Variants in SOAT1 observed in about 807,000 individuals in gnomAD.
SOAT1 encodes the protein sterol O-acyltransferase 1.
A neutral mutation model predicts 69.5 loss-of-function variants in SOAT1; 55 were observed. The ratio of observed to expected loss-of-function variants is 0.79; its 90% CI spans 0.64 to 0.99. The LOEUF (loss-of-function observed/expected upper bound fraction) is 0.99, where lower values mean the gene tolerates loss of function less well. SOAT1 is among the 50% of genes least tolerant of loss of function. The pLI, the probability that SOAT1 is intolerant of heterozygous loss-of-function variation, is 0.00. For missense variants in SOAT1, 580 were observed against 669.3 expected (o/e 0.87, Z 1.47); for synonymous variants, 231 against 224.7 (o/e 1.03, Z -0.25).
chr1:179,346,417 G>C (rs1251651995), intron 11 of SOAT1, among the ~76,000 whole-genome samples: 1 of 152,102 alleles, frequency 6.6e-6, no homozygotes, highest in Admixed American at 6.6e-5. Flanking sequence ...AAATGCTTAT[G>C]GCCTTTGTTT....
rs1288622661 is a variant in SOAT1 at position 179,354,566 on chromosome 1, C to G, written c.*925C>G. On this transcript the variant is annotated 3_prime_UTR_variant, in exon 16 of 16. Transcript: ENST00000367619. ...TATTTTATTGTCTAATAAATATTGA[C>G]TTCTCTTGAATTATTTTGCAGACTA... 1 of 152,090 alleles carries G rather than the reference C, an allele frequency of 6.6e-6. No individual in the cohort carries two copies. Among genetic ancestry groups the G allele is most frequent in the Non-Finnish European group, 1.5e-5 (1 of 68,016 alleles). The allele number at this position is 152,090 out of a possible 1,614,324, so 9.4% of individuals were successfully genotyped here.
chr1:179,332,747 C>T (rs1188676431), intron 3 of SOAT1, among the ~76,000 whole-genome samples: 2 of 152,212 alleles, frequency 1.3e-5, no homozygotes, highest in African/African-American at 2.4e-5. Context: ...TGATCACATA[C>T]TGAGTTCTAA....
chr1:179,339,775 T>G (rs965765942), intron 6 of SOAT1, among the ~76,000 whole-genome samples: 1 of 152,374 alleles, frequency 6.6e-6, no homozygotes, highest in South Asian at 2.1e-4. Flanking sequence ...CAGTAATTTC[T>G]AGGTAATTTT....
chr1:179,351,583 G>A, intron 15 of SOAT1, 121 bp downstream of exon 15: 1 of 857,066 alleles, frequency 1.2e-6, no homozygotes, highest in Non-Finnish European at 1.8e-6. Flanking sequence ...TAAAGAGAGG[G>A]AAATGAGGAG....
At chr1:179,342,671 C>G (rs1464025819) in intron 8 of SOAT1, among the ~76,000 whole-genome samples, 191 bp from the exon 9 acceptor site, 1 of 152,140 alleles carries the variant, frequency 6.6e-6, no homozygotes, top group Non-Finnish European at 1.5e-5. Flanking sequence ...ACAGGAATAA[C>G]TTGGTTTAAA....
intron 2 of SOAT1, among the ~76,000 whole-genome samples, chr1:179,309,297 T>C (rs1665137968): frequency 6.6e-6 from 1 of 152,186 alleles, no homozygotes; most frequent in Admixed American, 6.5e-5. Flanking sequence ...TTGGTCAGGC[T>C]GGTCTCGAAC....
At chr1:179,323,559 A>AT in intron 3 of SOAT1, 64 bp downstream of exon 3, 1 of 1,301,768 alleles carries the variant, frequency 7.7e-7, no homozygotes, top group South Asian at 1.2e-5. Context: ...GTTTGGTAAC[A>AT]TTTTTAATGC....
rs1665535228 is a variant in SOAT1 at position 179,319,929 on chromosome 1, A to G, written c.119-3508A>G. On this transcript the variant is annotated intron_variant, in intron 2 of 15. Coordinates refer to ENST00000367619, the MANE Select transcript of SOAT1 (RefSeq NM_003101.6). The stretch of plus-strand genomic sequence containing the variant: ...CCATGCCTGGCCTATTTGTCTTTTT[A>G]ATGTTGAGTTGTAAGAGTTCTTTAT... 2.0e-5 allele frequency among the ~76,000 whole-genome samples: 3 copies of G among 151,890 alleles called. No homozygotes were observed. In the South Asian group the frequency reaches 6.2e-4, roughly 32 times the overall value.
chr1:179,311,612 T>A (rs1665225171), intron 2 of SOAT1, among the ~76,000 whole-genome samples: 1 of 152,216 alleles, frequency 6.6e-6, no homozygotes, highest in African/African-American at 2.4e-5. Context: ...TTCAGTTATT[T>A]TGCCATTATA....
In SOAT1 at chr1:179,342,136, A is replaced by C. The variant is rs1264555055; in HGVS notation, c.803A>C (p.His268Pro). 3 of 1,613,572 alleles carry C rather than the reference A, an allele frequency of 1.9e-6. No individual in the cohort carries two copies. Among genetic ancestry groups the C allele is most frequent in the Non-Finnish European group, 2.5e-6 (3 of 1,179,648 alleles). Residue 268 changes from histidine to proline, a missense_variant, in exon 8 of 16, where the codon CAC becomes CCC. By Grantham distance (77) the His-to-Pro change is moderately conservative. Coordinates refer to ENST00000367619, the MANE Select transcript of SOAT1 (RefSeq NM_003101.6). The stretch of plus-strand genomic sequence containing the variant: ...TAGATTCGTTTTGTAATGAAGGCCC[A>C]CTCATTTGTCAGAGAGAACGTGCCT... ...FEQIRFVMKA[H>P]SFVRENVPRV...
In SOAT1 at chr1:179,353,657, T is replaced by C; in HGVS notation, c.*16T>C. 6.2e-7 allele frequency: 1 copy of C among 1,607,150 alleles called. No individual in the cohort carries two copies. Among genetic ancestry groups the C allele is most frequent in the Non-Finnish European group, 8.5e-7 (1 of 1,173,886 alleles). On this transcript the variant is annotated 3_prime_UTR_variant, in exon 16 of 16. Coordinates refer to ENST00000367619, the MANE Select transcript of SOAT1 (RefSeq NM_003101.6). Reference sequence around the variant, plus strand: ...CGTGTTTTAGAAGCTTGGACTTTGTTTCCTCCTTGTCACTGAAGATTGGGT... The same window carrying C: ...CGTGTTTTAGAAGCTTGGACTTTGTCTCCTCCTTGTCACTGAAGATTGGGT...
At chr1:179,322,777 A>C (rs1052923864) in intron 2 of SOAT1, among the ~76,000 whole-genome samples, 26 of 145,816 alleles carry the variant, frequency 1.8e-4, no homozygotes, top group Non-Finnish European at 3.2e-4. Context: ...GTAGAGACAG[A>C]CAGATTTCCT....
At position 179,348,512 on chromosome 1, in the gene SOAT1, G is replaced by C. The variant is rs151149667; in HGVS notation, c.1216-332G>C. 3.9e-3 allele frequency among the ~76,000 whole-genome samples: 594 copies of C among 152,178 alleles called. 2 individuals are homozygous for C. The highest frequency in any genetic ancestry group is 0.01 in the Middle Eastern group (3 of 294). Reference sequence around the variant, plus strand: ...TCTCATGACATTCTAGTAGGGTAAGGGGGGTGGGGCTTACTGATTGCTGTT... The same window carrying C: ...TCTCATGACATTCTAGTAGGGTAAGCGGGGTGGGGCTTACTGATTGCTGTT... On this transcript the variant is annotated intron_variant, in intron 12 of 15. Coordinates refer to ENST00000367619, the MANE Select transcript of SOAT1 (RefSeq NM_003101.6).
rs192948043 is a variant in SOAT1 at position 179,320,224 on chromosome 1, C to T, written c.119-3213C>T. 2.6e-5 allele frequency among the ~76,000 whole-genome samples: 4 copies of T among 152,136 alleles called. No homozygotes were observed. In the South Asian group the frequency reaches 6.2e-4, roughly 24 times the overall value. ...TAGTTTCTACATATGGTGTGAGTTC[C>T]AGGTCCATCTTCATGCTTTTTCATG... On this transcript the variant is annotated intron_variant, in intron 2 of 15. Coordinates refer to ENST00000367619, the MANE Select transcript of SOAT1 (RefSeq NM_003101.6).
Position 179,353,211 on chromosome 1 carries a change from A to ATATATATATATATATATATT in SOAT1, c.1597-361_1597-360insATATATTTATATATATATAT, listed in dbSNP as rs1553248891. Among the ~76,000 whole-genome samples the ATATATATATATATATATATT allele has an allele frequency of 4.7e-5, 3 of 64,486 alleles. No individual in the cohort carries two copies. The South Asian group carries it at 1.3e-3, about 28-fold the overall frequency. The allele number at this position is 64,486 out of a possible 152,430, so 42.3% of individuals were successfully genotyped here. A position where few individuals can be genotyped will look rare whatever the true frequency, so the allele number is the denominator to read the frequency against. ...ATCTAAATGGTGGTTATATATAAAT[A>ATATATATATATATATATATT]TATATATATATATCTATTTGTCGTC... is the stretch of plus-strand genomic sequence containing the variant. On this transcript the variant is annotated intron_variant, in intron 15 of 15. Coordinates refer to ENST00000367619, the MANE Select transcript of SOAT1 (RefSeq NM_003101.6).
chr1:179,341,545 T>G (rs989658851), intron 7 of SOAT1, among the ~76,000 whole-genome samples: 2 of 151,608 alleles, frequency 1.3e-5, no homozygotes, highest in Non-Finnish European at 2.9e-5. Context: ...ACTTTTTTTT[T>G]TTTTTTTGAG....
chr1:179,302,769 C>G lies in SOAT1; in HGVS notation c.85C>G (p.Pro29Ala). 6.2e-7 allele frequency: 1 copy of G among 1,601,678 alleles called. No homozygotes were observed. The highest frequency in any genetic ancestry group is 2.2e-5 in the East Asian group (1 of 44,660). ...NPEEDEDQRN[P>A]AKESLETPSN... ...TGAGGAAGATGAAGACCAGAGAAAC[C>G]CTGCAAAGGAGTCCCTAGAGACACC... is the stretch of plus-strand genomic sequence containing the variant. Residue 29 changes from proline (P) to alanine (A), a missense_variant, in exon 2 of 16, where the codon CCT becomes GCT. Transcript: ENST00000367619.
intron 3 of SOAT1, among the ~76,000 whole-genome samples, chr1:179,333,354 A>G (rs1040051082): frequency 6.6e-6 from 1 of 151,530 alleles, no homozygotes; most frequent in Non-Finnish European, 1.5e-5. Context: ...AGCCTCACAT[A>G]TCTTTTTCTT....
At chr1:179,351,508 C>A (rs770510581) in intron 15 of SOAT1, 46 bp downstream of exon 15, 1 of 1,594,620 alleles carries the variant, frequency 6.3e-7, no homozygotes. Flanking sequence ...TGTTTATTCT[C>A]TGTTTGTGAG....
Sources: allele counts gnomAD v4.1 joint callset (sites outside exome capture counted in the v4.1 genomes callset), GRCh38; gene constraint gnomAD v4.1.1; transcripts MANE v1.5; gene names NCBI Gene and HGNC (gene_info 2026-07-23, HGNC 2026-07-21).